The following ASTE1 variants were observed in gnomAD, a reference collection of about 807,000 sequenced individuals.
The protein encoded by ASTE1 is asteroid structure-specific endonuclease 1.
In ASTE1, 49 loss-of-function variants were observed where a neutral mutation model predicts 45.8. That is an observed-to-expected ratio of 1.07 (90% CI 0.85 to 1.36). The LOEUF (loss-of-function observed/expected upper bound fraction) is 1.36, where lower values mean the gene tolerates loss of function less well. Ranked by LOEUF, ASTE1 falls within the 40% of genes most tolerant of loss-of-function variation. The pLI is 0.00. For synonymous variants in ASTE1, 296 were observed against 303.9 expected, an observed-to-expected ratio of 0.97 and a Z score of 0.27; for missense variants, 709 against 804.0, an observed-to-expected ratio of 0.88 and a Z score of 1.43.
chr3:131,025,133 A>G lies in ASTE1; in HGVS notation c.174T>C (p.Asp58=), dbSNP rs893547497. 4 of 1,614,126 alleles carry G rather than the reference A, an allele frequency of 2.5e-6. No homozygotes were observed. The African/African-American group carries it at 4.0e-5, about 16-fold the overall frequency. Residue 58 remains aspartate (D), a synonymous_variant, in exon 3 of 6, where the codon GAT becomes GAC. Coordinates refer to ENST00000264992, the MANE Select transcript of ASTE1 (RefSeq NM_014065.4). The part of the protein sequence containing the change: ...RYGGDYDSFA[D]VVQKFFESLF... ...GTGATTCAAAGAATTTTTGTACAACATCTGCAAAAGAATCATAGTCCCCTC... is the reference window on the plus strand; with the variant it reads ...GTGATTCAAAGAATTTTTGTACAACGTCTGCAAAAGAATCATAGTCCCCTC...
intron 3 of ASTE1, among the ~76,000 whole-genome samples, chr3:131,022,113 A>G (rs2063749843): frequency 6.6e-6 from 1 of 152,202 alleles, no homozygotes. Context: ...TAAATGAACT[A>G]TAAACACCTG....
At chr3:131,015,292 C>T (rs540186120) in intron 5 of ASTE1, 2 of 690,362 alleles carry the variant, frequency 2.9e-6, no homozygotes, top group African/African-American at 1.8e-5. Context: ...GCCCCTCCCC[C>T]CACAGAGTTT....
Position 131,025,199 on chromosome 3 carries a change from G to A in ASTE1, c.108C>T (p.Phe36=), listed in dbSNP as rs1471373333. Residue 36 remains phenylalanine, a synonymous_variant, in exon 3 of 6, where the codon TTC becomes TTT. Transcript: ENST00000264992. The part of the protein sequence containing the change: ...TKIVIDGYAL[F]HRLCFSSNLD... ...AGTTTGAACTGAAGCAAAGACGGTG[G>A]AAAAGAGCATAACCATCAATGACAA... The A allele has an allele frequency of 6.2e-7, 1 of 1,614,174 alleles. No homozygotes were observed. The highest frequency in any genetic ancestry group is 8.5e-7 in the Non-Finnish European group (1 of 1,180,036).
chr3:131,022,168 T>C (rs1240300841), intron 3 of ASTE1, among the ~76,000 whole-genome samples: 1 of 152,198 alleles, frequency 6.6e-6, no homozygotes, highest in East Asian at 1.9e-4. Context: ...CAGTGTCTTG[T>C]AAGTAGGATG....
intron 3 of ASTE1, among the ~76,000 whole-genome samples, chr3:131,022,786 AT>A (rs2063761105): frequency 6.6e-6 from 1 of 152,126 alleles, no homozygotes; most frequent in Non-Finnish European, 1.5e-5. Context: ...TCACTATGAC[AT>A]TCATCTCCTC....
intron 3 of ASTE1, among the ~76,000 whole-genome samples, chr3:131,021,179 T>G (rs1418501926): frequency 2.0e-5 from 3 of 152,166 alleles, no homozygotes; most frequent in African/African-American, 7.2e-5. Flanking sequence ...GGAGAGACTA[T>G]TCACAATATG....
At chr3:131,025,740 A>C (rs914914855) in intron 1 of ASTE1, 146 bp from the exon 2 acceptor site, 1 of 153,944 alleles carries the variant, frequency 6.5e-6, no homozygotes, top group East Asian at 1.9e-4. Context: ...AGCTAAAAAA[A>C]AGATATCATA....
intron 5 of ASTE1, among the ~76,000 whole-genome samples, chr3:131,015,743 G>A (rs539473824): frequency 2.8e-4 from 43 of 152,226 alleles, no homozygotes; most frequent in African/African-American, 9.9e-4. Context: ...AGAGTAACAG[G>A]ACTAGAGTGA....
At chr3:131,026,044 G>A (rs753174413) in intron 1 of ASTE1, 5 of 152,210 alleles carry the variant, frequency 3.3e-5, no homozygotes, top group Admixed American at 6.5e-5. Context: ...CGCAGGATCA[G>A]AATTGATGGT....
At chr3:131,014,535 G>A in intron 5 of ASTE1, 148 bp from the exon 6 acceptor site, 10 of 823,384 alleles carry the variant, frequency 1.2e-5, no homozygotes, top group South Asian at 2.2e-5. Context: ...AGAATAATCT[G>A]TTCTTTGAAG....
At position 131,016,345 on chromosome 3, in the gene ASTE1, TAAAG is replaced by T. The variant is rs779032584; in HGVS notation, c.1514-10_1514-7del. ...TTCCTGCAGCTCTTCCTTACCTAAA[TAAAG>T]AAACAGCCCAAGGGCAGTATTTCTA... On this transcript the variant is annotated splice_polypyrimidine_tract_variant and splice_region_variant and intron_variant, in intron 4 of 5. Coordinates refer to ENST00000264992, the MANE Select transcript of ASTE1 (RefSeq NM_014065.4). 1.3e-5 allele frequency: 21 copies of T among 1,614,004 alleles called. No homozygotes were observed. Among genetic ancestry groups the T allele is most frequent in the Non-Finnish European group, 1.6e-5 (19 of 1,180,016 alleles).
At chr3:131,019,619 A>G (rs1232843017) in intron 3 of ASTE1, among the ~76,000 whole-genome samples, 2 of 152,216 alleles carry the variant, frequency 1.3e-5, no homozygotes, top group Non-Finnish European at 2.9e-5. Flanking sequence ...TTATAATCAA[A>G]CTTTAAGAAA....
intron 4 of ASTE1, 45 bp downstream of exon 4, chr3:131,018,461 C>G (rs374756661): frequency 6.4e-7 from 1 of 1,567,056 alleles, no homozygotes; most frequent in South Asian, 1.1e-5. Context: ...AAACAGTTTG[C>G]AAGCAACATG....
In ASTE1 at chr3:131,024,879, C is replaced by A. The variant is rs760565025; in HGVS notation, c.428G>T (p.Arg143Leu). 3 of 1,614,116 alleles carry A rather than the reference C, an allele frequency of 1.9e-6. No individual in the cohort carries two copies. The Admixed American group carries it at 5.0e-5, about 27-fold the overall frequency. ...CFVQCFSEADRDIMTLANHWN... is the reference protein window; with the variant it reads ...CFVQCFSEADLDIMTLANHWN... ...ATGGTTAGCAAGTGTCATAATGTCC[C>A]GATCTGCTTCTGAAAAGCACTGGAC... The change falls in exon 3 of 6, where the codon CGG becomes CTG. Residue 143 changes from arginine (R) to leucine (L), a missense_variant. Physicochemically the swap from Arg to Leu is moderately radical, Grantham distance 102 (BLOSUM62 -2). Coordinates refer to ENST00000264992, the MANE Select transcript of ASTE1 (RefSeq NM_014065.4).
intron 5 of ASTE1, chr3:131,015,338 T>C: frequency 1.6e-6 from 1 of 641,700 alleles, no homozygotes; most frequent in South Asian, 1.8e-5. Flanking sequence ...ACACAATCTA[T>C]CTCCTTTTTA....
At chr3:131,015,401 A>G (rs1171450828) in intron 5 of ASTE1, 14 of 579,802 alleles carry the variant, frequency 2.4e-5, no homozygotes, top group East Asian at 5.7e-5. Flanking sequence ...AAGATGTCCA[A>G]TCCATTGATC....
chr3:131,026,016 C>A (rs767870003), intron 1 of ASTE1, among the ~76,000 whole-genome samples: 1 of 152,220 alleles, frequency 6.6e-6, no homozygotes, highest in Non-Finnish European at 1.5e-5. Flanking sequence ...TACGCTTCCT[C>A]ACCTGGCTAA....
chr3:131,025,076 T>A lies in ASTE1; in HGVS notation c.231A>T (p.Val77=). 6.2e-7 allele frequency: 1 copy of A among 1,612,776 alleles called. No individual in the cohort carries two copies. Among genetic ancestry groups the A allele is most frequent in the East Asian group, 2.2e-5 (1 of 44,874 alleles). ...LFACNICPYV[V]LDGGCDISDK... Reference sequence around the variant, plus strand: ...CTGAAATGTCACATCCTCCATCTAATACAACATATGGGCATATATTACAAG... The same window carrying A: ...CTGAAATGTCACATCCTCCATCTAAAACAACATATGGGCATATATTACAAG... Residue 77 remains valine, a synonymous_variant, in exon 3 of 6, where the codon GTA becomes GTT. Coordinates refer to ENST00000264992, the MANE Select transcript of ASTE1 (RefSeq NM_014065.4).
At chr3:131,016,043 GT>G (rs34645149) in intron 5 of ASTE1, 100 bp downstream of exon 5, 1,267 of 1,265,584 alleles carry the variant, frequency 1.0e-3, no homozygotes, top group Non-Finnish European at 1.2e-3. Context: ...TTTTGTTTTG[GT>G]TTTTTTTTTT....
Sources: allele counts gnomAD v4.1 joint callset (sites outside exome capture counted in the v4.1 genomes callset), GRCh38; gene constraint gnomAD v4.1.1; transcripts MANE v1.5; gene names NCBI Gene and HGNC (gene_info 2026-07-23, HGNC 2026-07-21).